KCNQ2: variants seen among roughly 807,000 people sequenced by gnomAD.
KCNQ2 encodes the protein potassium voltage-gated channel subfamily KQT member 2.
A neutral mutation model predicts 84.8 loss-of-function variants in KCNQ2; 14 were observed. The ratio of observed to expected loss-of-function variants is 0.17; its 90% CI spans 0.11 to 0.26. The LOEUF (loss-of-function observed/expected upper bound fraction) is 0.26. Among genes scored for constraint, KCNQ2 ranks in the 10% least tolerant of loss-of-function variants. The probability of loss-of-function intolerance (pLI) is 1.00; values close to 1 mark genes in which losing one functional copy is unlikely to be tolerated. For missense variants in KCNQ2, 788 were observed against 1,254.0 expected, an observed-to-expected ratio of 0.63 and a Z score of 5.61; for synonymous variants, 599 against 554.1, an observed-to-expected ratio of 1.08 and a Z score of -1.14.
rs1297785418 is a variant in KCNQ2, at chr20:63,471,818, C to G, written c.296+350G>C. The G allele has an allele frequency of 1.9e-5, 5 of 263,078 alleles. No homozygotes were observed. The East Asian group carries it at 4.2e-4, about 22-fold the overall frequency. The allele number at this position is 263,078 out of a possible 1,614,324, so 16.3% of individuals were successfully genotyped here. A position where few individuals can be genotyped will look rare whatever the true frequency, so the allele number is the denominator to read the frequency against. ...CCCGAGAGTCCCGGAGAGTCCAGAC[C>G]CAGCGCTGCCGCCGTCCCTCCCCGG... On this transcript the variant is annotated intron_variant, in intron 1 of 16. Coordinates refer to ENST00000359125, the MANE Select transcript of KCNQ2 (RefSeq NM_172107.4).
rs549266428 is a variant in KCNQ2, at chr20:63,435,379, C to T, written c.1024-1476G>A. ...CTCCAGCCTGGGCAAGAGAGCAAGT[C>T]CCTATCTCAACAACAACAAAAAAAA... On this transcript the variant is annotated intron_variant, in intron 7 of 16. Transcript: ENST00000359125. 1.6e-3 allele frequency among the ~76,000 whole-genome samples: 218 copies of T among 133,212 alleles called. 3 individuals are homozygous for T. Among genetic ancestry groups the T allele is most frequent in the African/African-American group, 5.5e-3 (204 of 37,320 alleles). 87.4% of individuals were successfully genotyped at this position (133,212 alleles called of 152,430 possible).
intron 11 of KCNQ2, chr20:63,422,852 GTCGC>G (rs2080515809): frequency 1.3e-5 from 2 of 152,396 alleles, no homozygotes; most frequent in East Asian, 3.9e-4. Context: ...GGGTTCCGGC[GTCGC>G]TCCCAGCAAG....
At chr20:63,415,173 G>T in intron 12 of KCNQ2, 47 bp from the exon 13 acceptor site, 1 of 1,505,598 alleles carries the variant, frequency 6.6e-7, no homozygotes. Flanking sequence ...AGGGAGAGAA[G>T]TCACTCTGCA....
rs1402769504 is a variant in KCNQ2, at chr20:63,413,251, G to C, written c.1763+199C>G. 4.8e-6 allele frequency: 3 copies of C among 627,162 alleles called. No homozygotes were observed. The South Asian group carries it at 5.8e-5, about 12-fold the overall frequency. 38.8% of individuals were successfully genotyped at this position (627,162 alleles called of 1,614,324 possible). ...CGCACTTGCCCACCGCGGTGTGGAT[G>C]GGGGAGAGATGGGAGAGACAGCAGA... On this transcript the variant is annotated intron_variant, in intron 15 of 16. Transcript: ENST00000359125.
intron 11 of KCNQ2, among the ~76,000 whole-genome samples, chr20:63,422,093 C>T (rs2080488676): frequency 2.0e-5 from 3 of 152,136 alleles, no homozygotes; most frequent in Admixed American, 6.5e-5. Context: ...ATGCGGGGTG[C>T]GGGCTCCACC....
chr20:63,437,913 G>A (rs6062936), intron 7 of KCNQ2, among the ~76,000 whole-genome samples: 31,767 of 152,132 alleles, frequency 0.21, 3,686 homozygotes, highest in Non-Finnish European at 0.27. Context: ...TGGTTCAAGC[G>A]ATTCTCCTGC....
In KCNQ2 at chr20:63,446,907, T is replaced by G. The variant is rs1045109938; in HGVS notation, c.297-70A>C. On this transcript the variant is annotated intron_variant, in intron 1 of 16. Transcript: ENST00000359125. This position sits in a 1 kb window ranked among gnomAD's most constrained non-coding sequence, Gnocchi z 5.5. Reference sequence around the variant, plus strand: ...AGCAGCATGGCTGTGTCTCCAGAACTCAGGACCCCACTCCCCACCAGGCCG... The same window carrying G: ...AGCAGCATGGCTGTGTCTCCAGAACGCAGGACCCCACTCCCCACCAGGCCG... 7.3e-7 allele frequency: 1 copy of G among 1,363,522 alleles called. No homozygotes were observed. Among genetic ancestry groups the G allele is most frequent in the Non-Finnish European group, 1.0e-6 (1 of 953,100 alleles). The allele number at this position is 1,363,522 out of a possible 1,614,324, so 84.5% of individuals were successfully genotyped here.
Position 63,400,471 on chromosome 20 carries a change from C to T in KCNQ2, c.*6173G>A. On this transcript the variant is annotated 3_prime_UTR_variant, in exon 17 of 17. Transcript: ENST00000359125. The surrounding 1 kb of genome is among the most constrained non-coding windows in gnomAD (Gnocchi z 8.7). ...GTCTATCCCTAGAAAATGGACGGTG[C>T]ACAAAGTTGAGATTGAAGTGTGCGG... The T allele has an allele frequency of 2.5e-6, 1 of 397,404 alleles. No homozygotes were observed. The highest frequency in any genetic ancestry group is 1.4e-4 in the South Asian group (1 of 7,020). The allele number at this position is 397,404 out of a possible 1,614,324, so 24.6% of individuals were successfully genotyped here. A position where few individuals can be genotyped will look rare whatever the true frequency, so the allele number is the denominator to read the frequency against.
intron 1 of KCNQ2, among the ~76,000 whole-genome samples, chr20:63,458,803 GC>G (rs2081873347): frequency 6.6e-6 from 1 of 152,248 alleles, no homozygotes; most frequent in South Asian, 2.1e-4. Context: ...TGGCAGCTAG[GC>G]CTGGGGCCCA....
chr20:63,429,141 G>A (rs963114197), intron 9 of KCNQ2, among the ~76,000 whole-genome samples: 1 of 151,794 alleles, frequency 6.6e-6, no homozygotes, highest in African/African-American at 2.4e-5. Context: ...CTCACGTCTG[G>A]GTGGGACGTC....
At chr20:63,417,284 G>A (rs1187694825) in intron 12 of KCNQ2, among the ~76,000 whole-genome samples, 1 of 152,222 alleles carries the variant, frequency 6.6e-6, no homozygotes, top group Non-Finnish European at 1.5e-5. Context: ...CTCCTGGAAT[G>A]TTCTCTCTTT....
chr20:63,408,240 G>A lies in KCNQ2; in HGVS notation c.1887+173C>T, dbSNP rs867363332. Reference sequence around the variant, plus strand: ...CCCAGGCCGGGGGTGGGAGGCTCACGGTGGGGTGTGAGGGGTCTGCACAGA... The same window carrying A: ...CCCAGGCCGGGGGTGGGAGGCTCACAGTGGGGTGTGAGGGGTCTGCACAGA... On this transcript the variant is annotated intron_variant, in intron 16 of 16. Coordinates refer to ENST00000359125, the MANE Select transcript of KCNQ2 (RefSeq NM_172107.4). This position sits in a 1 kb window ranked among gnomAD's most constrained non-coding sequence, Gnocchi z 5.0. The A allele has an allele frequency of 1.1e-4, 87 of 820,144 alleles. No individual in the cohort carries two copies. The highest frequency in any genetic ancestry group is 8.5e-4 in the African/African-American group (50 of 58,560). The allele number at this position is 820,144 out of a possible 1,614,324, so 50.8% of individuals were successfully genotyped here. A position where few individuals can be genotyped will look rare whatever the true frequency, so the allele number is the denominator to read the frequency against.
intron 12 of KCNQ2, among the ~76,000 whole-genome samples, chr20:63,417,796 C>A (rs1334129762): frequency 6.6e-6 from 1 of 152,210 alleles, no homozygotes; most frequent in Non-Finnish European, 1.5e-5. Flanking sequence ...CCCCCGCTGA[C>A]CACGACAAGG....
Position 63,400,566 on chromosome 20 carries a change from T to C in KCNQ2, c.*6078A>G. ...GACACATACAAAATGGTCAGAAGTG[T>C]ACGTCGGTACTGAAGGCATTATGAA... On this transcript the variant is annotated 3_prime_UTR_variant, in exon 17 of 17. Coordinates refer to ENST00000359125, the MANE Select transcript of KCNQ2 (RefSeq NM_172107.4). The surrounding 1 kb of genome is among the most constrained non-coding windows in gnomAD (Gnocchi z 8.7). The C allele has an allele frequency of 2.5e-6, 1 of 398,514 alleles. No individual in the cohort carries two copies. The highest frequency in any genetic ancestry group is 2.1e-5 in the African/African-American group (1 of 48,752). 24.7% of individuals were successfully genotyped at this position (398,514 alleles called of 1,614,324 possible).
At chr20:63,466,265 C>G (rs1428485519) in intron 1 of KCNQ2, among the ~76,000 whole-genome samples, 1 of 151,946 alleles carries the variant, frequency 6.6e-6, no homozygotes, top group Non-Finnish European at 1.5e-5. Flanking sequence ...CCGGGCCCCG[C>G]GCTTCAACCC....
chr20:63,471,764 T>G (rs2082221504), intron 1 of KCNQ2: 4 of 152,594 alleles, frequency 2.6e-5, no homozygotes, highest in Non-Finnish European at 4.2e-5. Context: ...CCGCCCTCGC[T>G]TGGTCGGGCG....
chr20:63,403,085 C>T lies in KCNQ2; in HGVS notation c.*3559G>A, dbSNP rs2079842001. ...AGGGCAGACCAAACACAGGACCCAACCGGACACCCATACAGACACCGGGGC... is the reference window on the plus strand; with the variant it reads ...AGGGCAGACCAAACACAGGACCCAATCGGACACCCATACAGACACCGGGGC... On this transcript the variant is annotated 3_prime_UTR_variant, in exon 17 of 17. Transcript: ENST00000359125. 6.6e-6 allele frequency: 1 copy of T among 152,278 alleles called. No individual in the cohort carries two copies. Among genetic ancestry groups the T allele is most frequent in the Admixed American group, 6.5e-5 (1 of 15,286 alleles). The allele number at this position is 152,278 out of a possible 1,614,324, so 9.4% of individuals were successfully genotyped here.
chr20:63,439,476 C>T, intron 6 of KCNQ2, 122 bp downstream of exon 6: 1 of 759,986 alleles, frequency 1.3e-6, no homozygotes, highest in Non-Finnish European at 2.3e-6. Flanking sequence ...GGCTGTGGAC[C>T]TGCTGAGAGC....
chr20:63,419,213 G>A (rs911571975), intron 12 of KCNQ2, among the ~76,000 whole-genome samples: 1 of 152,300 alleles, frequency 6.6e-6, no homozygotes, highest in African/African-American at 2.4e-5. Flanking sequence ...ACACACAGAC[G>A]GAGCTGCCTC....
Sources: allele counts gnomAD v4.1 joint callset (sites outside exome capture counted in the v4.1 genomes callset), GRCh38; gene constraint gnomAD v4.1.1; non-coding constraint Gnocchi (gnomAD v3.1); transcripts MANE v1.5; gene names NCBI Gene and HGNC (gene_info 2026-07-23, HGNC 2026-07-21).